LDLRAD4: variants seen among roughly 807,000 people sequenced by gnomAD.
LDLRAD4 encodes low density lipoprotein receptor class A domain containing 4.
LDLRAD4 carries 5 observed loss-of-function variants against 17.0 expected under a neutral mutation model. That is an observed-to-expected ratio of 0.29 (90% CI 0.15 to 0.62). The LOEUF (loss-of-function observed/expected upper bound fraction) is 0.62. Among genes scored for constraint, LDLRAD4 ranks in the 20% least tolerant of loss-of-function variants. The pLI is 0.84. For synonymous variants in LDLRAD4, 168 were observed against 171.8 expected, an observed-to-expected ratio of 0.98 and a Z score of 0.17; for missense variants, 340 against 424.7, an observed-to-expected ratio of 0.80 and a Z score of 1.75.
At chr18:13,392,223 T>C (rs1599879160) in intron 2 of LDLRAD4, among the ~76,000 whole-genome samples, 1 of 152,260 alleles carries the variant, frequency 6.6e-6, no homozygotes, top group Admixed American at 6.5e-5. Flanking sequence ...ACGGTTCAGC[T>C]GTGCGTGGAG....
chr18:13,296,274 T>A (rs752224121), intron 1 of LDLRAD4, among the ~76,000 whole-genome samples: 1 of 152,206 alleles, frequency 6.6e-6, no homozygotes, highest in Non-Finnish European at 1.5e-5. Context: ...TGTTTTAGGG[T>A]CCTCTGTCAG....
intron 1 of LDLRAD4, among the ~76,000 whole-genome samples, chr18:13,365,920 C>T (rs751124059): frequency 6.6e-6 from 1 of 152,070 alleles, no homozygotes; most frequent in Admixed American, 6.5e-5. Flanking sequence ...ATTACAGGCG[C>T]CCGTCATCAC....
intron 1 of LDLRAD4, among the ~76,000 whole-genome samples, chr18:13,302,070 A>T (rs1412305100): frequency 6.6e-6 from 1 of 152,248 alleles, no homozygotes; most frequent in Non-Finnish European, 1.5e-5. Context: ...TGCTTTGCCC[A>T]ACCCTGGGAT....
At chr18:13,235,076 C>G (rs564130650) in intron 1 of LDLRAD4, 1 of 152,010 alleles carries the variant, frequency 6.6e-6, no homozygotes, top group East Asian at 1.9e-4. Context: ...ATGGAGAAAC[C>G]CTGTCTCTAC....
chr18:13,268,452 T>C (rs938759202), intron 1 of LDLRAD4, among the ~76,000 whole-genome samples: 4 of 152,216 alleles, frequency 2.6e-5, no homozygotes, highest in Non-Finnish European at 5.9e-5. Context: ...CAAAATGCTG[T>C]GCCTTCAGAC....
chr18:13,600,274 A>G (rs1030378281), intron 3 of LDLRAD4, among the ~76,000 whole-genome samples: 7 of 152,236 alleles, frequency 4.6e-5, no homozygotes, highest in African/African-American at 1.7e-4. Flanking sequence ...TATTAAATAA[A>G]TAATAGAACA....
At chr18:13,407,457 A>T (rs925220736) in intron 2 of LDLRAD4, among the ~76,000 whole-genome samples, 1 of 152,240 alleles carries the variant, frequency 6.6e-6, no homozygotes. Flanking sequence ...AAGACAATGC[A>T]TTGTGCCTCA....
At chr18:13,536,681 G>A (rs1197927420) in intron 3 of LDLRAD4, among the ~76,000 whole-genome samples, 3 of 151,824 alleles carry the variant, frequency 2.0e-5, no homozygotes, top group East Asian at 1.9e-4. Context: ...TAAAAAAATA[G>A]GACATGCTTA....
At chr18:13,288,442 G>T (rs541130382) in intron 1 of LDLRAD4, among the ~76,000 whole-genome samples, 127 of 152,262 alleles carry the variant, frequency 8.3e-4, no homozygotes, top group African/African-American at 2.4e-3. Context: ...GAAAAATTTA[G>T]TTGCTAATAG....
chr18:13,444,955 C>T (rs1254309258), intron 3 of LDLRAD4, among the ~76,000 whole-genome samples: 1 of 152,184 alleles, frequency 6.6e-6, no homozygotes, highest in Admixed American at 6.5e-5. Context: ...AGGCTGGTGC[C>T]CACAAACTGC....
intron 1 of LDLRAD4, among the ~76,000 whole-genome samples, chr18:13,320,995 G>A (rs1004046072): frequency 2.0e-5 from 3 of 152,230 alleles, no homozygotes; most frequent in Non-Finnish European, 4.4e-5. Context: ...TGAATGCACT[G>A]TTTCAGTGAG....
At chr18:13,606,146 G>A (rs1441334397) in intron 3 of LDLRAD4, among the ~76,000 whole-genome samples, 5 of 152,160 alleles carry the variant, frequency 3.3e-5, no homozygotes, top group African/African-American at 1.2e-4. Context: ...AGGTGGCAGG[G>A]TTGGAACCCA....
chr18:13,530,966 G>A (rs2094118680), intron 3 of LDLRAD4, among the ~76,000 whole-genome samples: 1 of 152,228 alleles, frequency 6.6e-6, no homozygotes, highest in Non-Finnish European at 1.5e-5. Context: ...CAAAAGTCTG[G>A]ATTTAGAGTA....
At chr18:13,447,655 G>C (rs1410060766) in intron 3 of LDLRAD4, among the ~76,000 whole-genome samples, 1 of 152,204 alleles carries the variant, frequency 6.6e-6, no homozygotes, top group African/African-American at 2.4e-5. Flanking sequence ...GTCTAGCGTG[G>C]ATGTTAATGA....
At chr18:13,436,350 C>G (rs766987171) in intron 2 of LDLRAD4, among the ~76,000 whole-genome samples, 1 of 152,132 alleles carries the variant, frequency 6.6e-6, no homozygotes, top group Non-Finnish European at 1.5e-5. Context: ...CGTGTCTCCC[C>G]CCAACAAGTT....
chr18:13,244,124 T>TCCCCCCC (rs2042833462), intron 1 of LDLRAD4, among the ~76,000 whole-genome samples: 2 of 75,852 alleles, frequency 2.6e-5, no homozygotes, highest in Non-Finnish European at 5.5e-5. Context: ...CACCATGAAC[T>TCCCCCCC]CACCCACCCA....
intron 3 of LDLRAD4, among the ~76,000 whole-genome samples, chr18:13,570,903 C>T (rs2094680754): frequency 6.6e-6 from 1 of 152,200 alleles, no homozygotes; most frequent in South Asian, 2.1e-4. Context: ...ACTGCAGCCT[C>T]AAACTCCTAG....
intron 2 of LDLRAD4, among the ~76,000 whole-genome samples, chr18:13,424,497 TG>T (rs1207320867): frequency 1.3e-5 from 2 of 152,158 alleles, no homozygotes; most frequent in Non-Finnish European, 2.9e-5. Flanking sequence ...AGCCACCTAC[TG>T]TGCTGGCCCC....
intron 1 of LDLRAD4, among the ~76,000 whole-genome samples, chr18:13,246,183 A>G (rs892977659): frequency 5.9e-5 from 9 of 152,366 alleles, no homozygotes; most frequent in South Asian, 2.1e-4. Context: ...AGTCACCACA[A>G]AGCATTCACT....
Sources: gnomAD v4.1 joint callset for allele counts (sites outside exome capture counted in the v4.1 genomes callset) on GRCh38, gnomAD v4.1.1 for gene constraint, MANE v1.5 for transcripts, NCBI Gene and HGNC (gene_info 2026-07-23, HGNC 2026-07-21) for gene names.